Variants in FRMD5 observed in about 807,000 individuals in gnomAD.
FRMD5 encodes FERM domain containing 5.
FRMD5 carries 20 observed loss-of-function variants against 69.0 expected under a neutral mutation model. That is an observed-to-expected ratio of 0.29 (90% CI 0.20 to 0.42). The LOEUF is 0.42. Among genes scored for constraint, FRMD5 ranks in the 10% least tolerant of loss-of-function variants. The pLI, the probability that FRMD5 is intolerant of heterozygous loss-of-function variation, is 1.00. For synonymous variants in FRMD5, 271 were observed against 260.1 expected, an observed-to-expected ratio of 1.04 and a Z score of -0.40; for missense variants, 595 against 708.6, an observed-to-expected ratio of 0.84 and a Z score of 1.82.
At chr15:44,008,984 C>T (rs1388518311) in intron 1 of FRMD5, among the ~76,000 whole-genome samples, 2 of 152,112 alleles carry the variant, frequency 1.3e-5, no homozygotes, top group Non-Finnish European at 2.9e-5. Flanking sequence ...CGAGATTGCA[C>T]CACTGCACTC....
rs980622990 is a variant in FRMD5, at chr15:43,909,760, G to A, written c.427+122C>T. The A allele has an allele frequency of 1.4e-4, 82 of 593,996 alleles. No homozygotes were observed. In the Admixed American group the frequency reaches 1.5e-3, roughly 11 times the overall value. 36.8% of individuals were successfully genotyped at this position (593,996 alleles called of 1,614,324 possible). ...CTCCCAAAGTGCTAGGACTACAAGC[G>A]TGAGCCACAGCACCTGGCCTAGATA... On this transcript the variant is annotated intron_variant, in intron 5 of 13. Coordinates refer to ENST00000417257, the MANE Select transcript of FRMD5 (RefSeq NM_032892.5).
At chr15:44,041,165 T>C (rs1376315384) in intron 1 of FRMD5, among the ~76,000 whole-genome samples, 1 of 152,072 alleles carries the variant, frequency 6.6e-6, no homozygotes, top group African/African-American at 2.4e-5. Context: ...TAAATATACA[T>C]GTACCCAATA....
intron 1 of FRMD5, among the ~76,000 whole-genome samples, chr15:44,145,172 T>G (rs1395508118): frequency 6.6e-6 from 1 of 152,166 alleles, no homozygotes; most frequent in Non-Finnish European, 1.5e-5. Flanking sequence ...CTGCAAACAT[T>G]TGTCCTGAGG....
At chr15:44,170,872 A>G (rs905863119) in intron 1 of FRMD5, among the ~76,000 whole-genome samples, 1 of 152,228 alleles carries the variant, frequency 6.6e-6, no homozygotes, top group Admixed American at 6.5e-5. Context: ...TTTTCACTTA[A>G]CAAAGAGACT....
At chr15:43,916,818 GC>G (rs1459526945) in intron 4 of FRMD5, among the ~76,000 whole-genome samples, 1 of 145,176 alleles carries the variant, frequency 6.9e-6, no homozygotes, top group Admixed American at 6.9e-5. Context: ...CACCCTTGTT[GC>G]CCAGGCTGGA....
intron 1 of FRMD5, among the ~76,000 whole-genome samples, chr15:44,108,238 G>A (rs1342445392): frequency 6.6e-6 from 1 of 152,170 alleles, no homozygotes; most frequent in Non-Finnish European, 1.5e-5. Context: ...AGGTGCAGTG[G>A]TGCACACCTG....
At chr15:44,121,971 G>C (rs2076957844) in intron 1 of FRMD5, among the ~76,000 whole-genome samples, 2 of 144,894 alleles carry the variant, frequency 1.4e-5, no homozygotes, top group African/African-American at 5.2e-5. Context: ...CTCCAGCCTG[G>C]GTGACAAAGG....
intron 1 of FRMD5, among the ~76,000 whole-genome samples, chr15:44,075,180 CA>C (rs1893706452): frequency 6.6e-6 from 1 of 152,156 alleles, no homozygotes; most frequent in South Asian, 2.1e-4. Flanking sequence ...GGTTTCTAAA[CA>C]TGGCTGGTTT....
chr15:44,182,324 CTTTT>C (rs71111843), intron 1 of FRMD5, among the ~76,000 whole-genome samples: 86 of 85,638 alleles, frequency 1.0e-3, no homozygotes, highest in Middle Eastern at 0.018. Context: ...CATTGCTTTT[CTTTT>C]TTTTTTTTTT....
At chr15:43,922,387 C>A (rs2089509152) in intron 2 of FRMD5, among the ~76,000 whole-genome samples, 1 of 152,224 alleles carries the variant, frequency 6.6e-6, no homozygotes, top group South Asian at 2.1e-4. Flanking sequence ...TGGCACGACT[C>A]AGTGAGCAGT....
intron 1 of FRMD5, among the ~76,000 whole-genome samples, chr15:44,072,775 C>T (rs780974011): frequency 4.6e-5 from 7 of 151,942 alleles, no homozygotes; most frequent in Non-Finnish European, 8.8e-5. Flanking sequence ...CCCAAATTTG[C>T]GCTAGCAATA....
chr15:44,047,381 C>G lies in FRMD5; in HGVS notation c.103-123072G>C, dbSNP rs80299477. Among the ~76,000 whole-genome samples the G allele has an allele frequency of 7.8e-3, 1,188 of 152,184 alleles. 19 individuals are homozygous for G. The highest frequency in any genetic ancestry group is 0.027 in the African/African-American group (1,136 of 41,536). On this transcript the variant is annotated intron_variant, in intron 1 of 13. Coordinates refer to ENST00000417257, the MANE Select transcript of FRMD5 (RefSeq NM_032892.5). ...AAAAAACTGTTTAAACTTCCTCTGA[C>G]CAATTACTAGGCCAGACACGGGTGC...
At chr15:44,190,413 G>C (rs2078174338) in intron 1 of FRMD5, among the ~76,000 whole-genome samples, 1 of 152,050 alleles carries the variant, frequency 6.6e-6, no homozygotes, top group Non-Finnish European at 1.5e-5. Context: ...TCCTAATTCT[G>C]GCAGAACTCT....
chr15:44,176,969 TA>T (rs56687595), intron 1 of FRMD5, among the ~76,000 whole-genome samples: 20,558 of 137,246 alleles, frequency 0.15, 2,840 homozygotes, highest in African/African-American at 0.38. Context: ...ATAAAATATG[TA>T]AAAAAAAAAA....
At chr15:44,054,238 A>C (rs1892779244) in intron 1 of FRMD5, among the ~76,000 whole-genome samples, 1 of 152,202 alleles carries the variant, frequency 6.6e-6, no homozygotes. Flanking sequence ...TCATTTTCCT[A>C]ATCATTGGCC....
intron 1 of FRMD5, among the ~76,000 whole-genome samples, chr15:43,951,237 G>A (rs919784989): frequency 3.3e-5 from 5 of 151,920 alleles, no homozygotes; most frequent in African/African-American, 9.7e-5. Context: ...TGGCTAATAC[G>A]GTGAAACCCT....
At chr15:44,095,312 C>T (rs2076536228) in intron 1 of FRMD5, among the ~76,000 whole-genome samples, 2 of 151,944 alleles carry the variant, frequency 1.3e-5, no homozygotes, top group South Asian at 4.2e-4. Context: ...AAGAGAGCCT[C>T]CTGCCTCAGT....
At chr15:44,174,292 TACTC>T (rs921941780) in intron 1 of FRMD5, among the ~76,000 whole-genome samples, 11 of 152,156 alleles carry the variant, frequency 7.2e-5, no homozygotes, top group Admixed American at 3.3e-4. Context: ...AAAAAAAACT[TACTC>T]TAACCATTAT....
At chr15:44,003,531 C>T (rs1890305381) in intron 1 of FRMD5, among the ~76,000 whole-genome samples, 1 of 152,138 alleles carries the variant, frequency 6.6e-6, no homozygotes, top group Non-Finnish European at 1.5e-5. Flanking sequence ...CCTATTACTC[C>T]CTTCATCATC....
Sources: allele counts gnomAD v4.1 joint callset (sites outside exome capture counted in the v4.1 genomes callset), GRCh38; gene constraint gnomAD v4.1.1; transcripts MANE v1.5; gene names NCBI Gene and HGNC (gene_info 2026-07-23, HGNC 2026-07-21).